The following CHAF1B variants were observed in gnomAD, a reference collection of about 807,000 sequenced individuals.
The protein encoded by CHAF1B is CAF-1 subunit B.
CHAF1B carries 10 observed loss-of-function variants against 60.7 expected under a neutral mutation model. The ratio of observed to expected loss-of-function variants is 0.16; its 90% CI spans 0.10 to 0.28. CHAF1B has a LOEUF of 0.28. CHAF1B is among the 10% of genes least tolerant of loss of function. The pLI, the probability that CHAF1B is intolerant of heterozygous loss-of-function variation, is 1.00. For synonymous variants in CHAF1B, 261 were observed against 266.1 expected (o/e 0.98, Z 0.19); for missense variants, 558 against 708.4 (o/e 0.79, Z 2.41).
At chr21:36,409,831 CTG>C (rs934222583) in intron 10 of CHAF1B, among the ~76,000 whole-genome samples, 34 of 149,902 alleles carry the variant, frequency 2.3e-4, no homozygotes, top group Non-Finnish European at 8.9e-5. Flanking sequence ...GGAGCAAAGA[CTG>C]GGGTTATCAA....
intron 3 of CHAF1B, 83 bp from the exon 4 acceptor site, chr21:36,391,468 A>G (rs2086086614): frequency 6.5e-6 from 6 of 921,414 alleles, no homozygotes; most frequent in Non-Finnish European, 9.8e-6. Context: ...CGTCTCAAAA[A>G]AAAAAAAAAA....
chr21:36,403,204 T>A (rs2086205832), intron 8 of CHAF1B, among the ~76,000 whole-genome samples: 1 of 152,078 alleles, frequency 6.6e-6, no homozygotes, highest in Non-Finnish European at 1.5e-5. Context: ...ACACCTGTAA[T>A]CCCAGCACTT....
chr21:36,391,740 T>G, intron 4 of CHAF1B, 72 bp downstream of exon 4: 2 of 922,088 alleles, frequency 2.2e-6, no homozygotes, highest in African/African-American at 1.7e-5. Context: ...ACCTTTTGAC[T>G]TTTTTTTTCT....
Position 36,409,355 on chromosome 21 carries a change from A to G in CHAF1B, c.828-19A>G, listed in dbSNP as rs1405791730. 1 of 1,599,250 alleles carries G rather than the reference A, an allele frequency of 6.3e-7. No homozygotes were observed. The highest frequency in any genetic ancestry group is 1.1e-5 in the South Asian group (1 of 90,534). On this transcript the variant is annotated intron_variant, in intron 9 of 13. Transcript: ENST00000314103. The stretch of plus-strand genomic sequence containing the variant: ...CTTAGTCACAGTGCCTTTTCCTAAC[A>G]CTGCAATTAATCCATTAGGCCCATC...
In CHAF1B at chr21:36,401,347, T is replaced by TATATAATATATTTTTATATTATAC; in HGVS notation, c.664-1407_664-1384dup. Among the ~76,000 whole-genome samples, 2 of 142,514 alleles carry TATATAATATATTTTTATATTATAC rather than the reference T, an allele frequency of 1.4e-5. 1 individual carries two copies. The highest frequency in any genetic ancestry group is 3.9e-4 in the East Asian group (2 of 5,086). 93.5% of individuals were successfully genotyped at this position (142,514 alleles called of 152,430 possible). A position where few individuals can be genotyped will look rare whatever the true frequency, so the allele number is the denominator to read the frequency against. On this transcript the variant is annotated intron_variant, in intron 7 of 13. Coordinates refer to ENST00000314103, the MANE Select transcript of CHAF1B (RefSeq NM_005441.3). ...TTTAATATGTTATATATTTATATTA[T>TATATAATATATTTTTATATTATAC]ATATAATATATTTTTATATTATACA... is the stretch of plus-strand genomic sequence containing the variant.
At chr21:36,399,995 A>G (rs955792475) in intron 7 of CHAF1B, among the ~76,000 whole-genome samples, 1 of 152,208 alleles carries the variant, frequency 6.6e-6, no homozygotes, top group South Asian at 2.1e-4. Context: ...CCTGGCCAAC[A>G]TGGCCAAACC....
At chr21:36,412,724 A>G in intron 11 of CHAF1B, 160 bp from the exon 12 acceptor site, 1 of 671,696 alleles carries the variant, frequency 1.5e-6, no homozygotes, top group Non-Finnish European at 2.5e-6. Context: ...TCGCGATGAA[A>G]CTGCATGAGT....
chr21:36,386,793 A>G (rs2086038816), intron 2 of CHAF1B, among the ~76,000 whole-genome samples: 1 of 151,086 alleles, frequency 6.6e-6, no homozygotes, highest in African/African-American at 2.4e-5. Flanking sequence ...GACTTACTGC[A>G]ACCTCTGTCT....
At chr21:36,399,735 T>G (rs1264290409) in intron 7 of CHAF1B, 130 bp downstream of exon 7, 1 of 726,092 alleles carries the variant, frequency 1.4e-6, no homozygotes, top group East Asian at 2.6e-5. Flanking sequence ...CAATAAGGCT[T>G]CCTTTTGGAC....
chr21:36,416,341 G>A lies in CHAF1B; in HGVS notation c.1655G>A (p.Gly552Glu), dbSNP rs1158335280. 1 of 1,613,962 alleles carries A rather than the reference G, an allele frequency of 6.2e-7. No homozygotes were observed. The highest frequency in any genetic ancestry group is 8.5e-7 in the Non-Finnish European group (1 of 1,180,000). Residue 552 changes from glycine to glutamate, a missense_variant, in exon 14 of 14, where the codon GGA (glycine) becomes GAA (glutamate). Transcript: ENST00000314103. ...CGGCCCAGACTCGATGAAAACAAAG[G>A]AGGCACGGAAAGTCTGGACCCTTGA... ...LKRPRLDENK[G>E]GTESLDP
At chr21:36,402,268 C>T (rs1217702359) in intron 7 of CHAF1B, among the ~76,000 whole-genome samples, 2 of 152,124 alleles carry the variant, frequency 1.3e-5, no homozygotes, top group Non-Finnish European at 2.9e-5. Flanking sequence ...CCTATGATTG[C>T]GCCACTGCAC....
intron 13 of CHAF1B, chr21:36,415,928 T>C (rs1473046976): frequency 3.1e-6 from 1 of 319,806 alleles, no homozygotes; most frequent in African/African-American, 2.2e-5. Flanking sequence ...AATTTTTGTA[T>C]TTTTAGTAGA....
intron 8 of CHAF1B, among the ~76,000 whole-genome samples, chr21:36,403,244 G>A (rs2086206189): frequency 6.6e-6 from 1 of 151,746 alleles, no homozygotes; most frequent in South Asian, 2.1e-4. Context: ...GATCACTTGA[G>A]GTCAAGAGTT....
chr21:36,391,781 C>A, intron 4 of CHAF1B, 113 bp downstream of exon 4: 1 of 674,164 alleles, frequency 1.5e-6, no homozygotes, highest in Non-Finnish European at 2.6e-6. Flanking sequence ...CATTGTCGCC[C>A]AGGCTGGAGT....
intron 8 of CHAF1B, among the ~76,000 whole-genome samples, chr21:36,404,247 T>A (rs1024419812): frequency 3.3e-5 from 5 of 150,930 alleles, no homozygotes; most frequent in Middle Eastern, 6.8e-3. Flanking sequence ...ATTACAGGTG[T>A]GCGCCACCAC....
chr21:36,416,421 C>A lies in CHAF1B; in HGVS notation c.*55C>A. The A allele has an allele frequency of 6.8e-7, 1 of 1,466,482 alleles. No individual in the cohort carries two copies. The highest frequency in any genetic ancestry group is 9.4e-7 in the Non-Finnish European group (1 of 1,065,150). The allele number at this position is 1,466,482 out of a possible 1,614,324, so 90.8% of individuals were successfully genotyped here. A position where few individuals can be genotyped will look rare whatever the true frequency, so the allele number is the denominator to read the frequency against. On this transcript the variant is annotated 3_prime_UTR_variant, in exon 14 of 14. Transcript: ENST00000314103. ...CAGGCTCCCGGTGTGTGCAGGGAGA[C>A]GGTAAAGCTGGAGGTGCCTGAGACC...
intron 3 of CHAF1B, among the ~76,000 whole-genome samples, chr21:36,390,666 T>C (rs8129295): frequency 0.13 from 19,640 of 152,156 alleles, 2,099 homozygotes; most frequent in African/African-American, 0.29. Context: ...ATTGTTATCC[T>C]CATTTTTGAG....
Position 36,394,577 on chromosome 21 carries a change from C to T in CHAF1B, c.408C>T (p.Cys136=), listed in dbSNP as rs375376353. The change falls in exon 5 of 14, where the codon TGC becomes TGT. Residue 136 remains cysteine (C), a synonymous_variant. Coordinates refer to ENST00000314103, the MANE Select transcript of CHAF1B (RefSeq NM_005441.3). ...ACTTAGAAGATGTGTATGATATTTG[C>T]TGGGCAACTGATGGGAATTTAATGG... The part of the protein sequence containing the change: ...RGHLEDVYDI[C]WATDGNLMAS... 1 of 1,613,522 alleles carries T rather than the reference C, an allele frequency of 6.2e-7. No homozygotes were observed. Among genetic ancestry groups the T allele is most frequent in the Non-Finnish European group, 8.5e-7 (1 of 1,179,642 alleles).
intron 3 of CHAF1B, among the ~76,000 whole-genome samples, chr21:36,390,294 T>C (rs1049797821): frequency 1.6e-4 from 23 of 147,570 alleles, no homozygotes; most frequent in Non-Finnish European, 3.0e-4. Context: ...GATTGCACCA[T>C]TGCACTCCAG....
Sources: allele counts gnomAD v4.1 joint callset (sites outside exome capture counted in the v4.1 genomes callset), GRCh38; gene constraint gnomAD v4.1.1; transcripts MANE v1.5; gene names NCBI Gene and HGNC (gene_info 2026-07-23, HGNC 2026-07-21).